Variants in GLI3 observed in about 807,000 individuals in gnomAD.
The protein encoded by GLI3 is transcription activator GLI3.
A neutral mutation model predicts 100.8 loss-of-function variants in GLI3; 20 were observed. That is an observed-to-expected ratio of 0.20 (90% CI 0.14 to 0.29). The LOEUF (loss-of-function observed/expected upper bound fraction) is 0.29, where lower values mean the gene tolerates loss of function less well. Ranked by LOEUF, GLI3 falls within the 10% of genes least tolerant of loss-of-function variation. The probability of loss-of-function intolerance (pLI) is 1.00; values close to 1 mark genes in which losing one functional copy is unlikely to be tolerated. For synonymous variants in GLI3, 938 were observed against 860.5 expected (o/e 1.09, Z -1.58); for missense variants, 2,040 against 2,128.5 (o/e 0.96, Z 0.82).
intron 4 of GLI3, among the ~76,000 whole-genome samples, chr7:42,051,656 TATTAAGAC>T (rs1485419590): frequency 1.4e-4 from 22 of 152,166 alleles, no homozygotes; most frequent in Non-Finnish European, 1.5e-4. Context: ...AATATTGAAA[TATTAAGAC>T]ATTCTTTTTG....
intron 10 of GLI3, among the ~76,000 whole-genome samples, chr7:41,979,113 T>A (rs1044611936): frequency 6.6e-6 from 1 of 152,202 alleles, no homozygotes; most frequent in African/African-American, 2.4e-5. Flanking sequence ...CTGTCATTTT[T>A]CCTTGCCAAG....
At chr7:41,979,444 T>A (rs1787597958) in intron 10 of GLI3, among the ~76,000 whole-genome samples, 2 of 152,234 alleles carry the variant, frequency 1.3e-5, no homozygotes, top group Admixed American at 6.5e-5. Context: ...GCTAAGGGAC[T>A]TTCTAGCTCT....
intron 1 of GLI3, among the ~76,000 whole-genome samples, chr7:42,254,965 T>C (rs1464643452): frequency 6.6e-6 from 1 of 152,150 alleles, no homozygotes; most frequent in Non-Finnish European, 1.5e-5. Context: ...AGATCCTGGG[T>C]TCATACTCAT....
At chr7:42,175,345 C>G (rs1583622380) in intron 2 of GLI3, among the ~76,000 whole-genome samples, 1 of 152,186 alleles carries the variant, frequency 6.6e-6, no homozygotes, top group South Asian at 2.1e-4. Context: ...GGGCTGGGTA[C>G]AGTGGCTCAT....
intron 3 of GLI3, among the ~76,000 whole-genome samples, chr7:42,146,697 G>T (rs1457349235): frequency 6.6e-6 from 1 of 152,144 alleles, no homozygotes; most frequent in Admixed American, 6.5e-5. Context: ...TACTACTGGG[G>T]TCTATAAATA....
chr7:42,260,345 G>A (rs1399927856), intron 1 of GLI3, among the ~76,000 whole-genome samples: 1 of 152,156 alleles, frequency 6.6e-6, no homozygotes, highest in Non-Finnish European at 1.5e-5. Flanking sequence ...AGCAATGTAA[G>A]AGTCCATTTA....
intron 10 of GLI3, among the ~76,000 whole-genome samples, chr7:42,014,612 T>A (rs975785770): frequency 6.6e-6 from 1 of 152,164 alleles, no homozygotes; most frequent in Admixed American, 6.5e-5. Context: ...TCATATCCAA[T>A]CTCCATGAGA....
At chr7:42,101,156 C>T (rs1368127241) in intron 3 of GLI3, among the ~76,000 whole-genome samples, 1 of 152,156 alleles carries the variant, frequency 6.6e-6, no homozygotes, top group African/African-American at 2.4e-5. Context: ...ACCTAACAAC[C>T]CTCAGAAGAG....
Position 41,967,797 on chromosome 7 carries a change from T to C in GLI3, c.2230A>G (p.Ile744Val). 1 of 1,614,210 alleles carries C rather than the reference T, an allele frequency of 6.2e-7. No individual in the cohort carries two copies. Among genetic ancestry groups the C allele is most frequent in the Non-Finnish European group, 8.5e-7 (1 of 1,180,038 alleles). ...DGGSIGDLSAIDETPIMDSTI... is the reference protein window; with the variant it reads ...DGGSIGDLSAVDETPIMDSTI... Reference sequence around the variant, plus strand: ...GAGTCCATGATTGGGGTTTCATCGATGGCACTGAGGTCTCCTATACTACCT... The same window carrying C: ...GAGTCCATGATTGGGGTTTCATCGACGGCACTGAGGTCTCCTATACTACCT... Residue 744 changes from isoleucine to valine, a missense_variant, in exon 14 of 15, where the codon ATC becomes GTC. Ile to Val is a conservative substitution (Grantham distance 29). Around this residue, in one of 5 missense-constraint regions of GLI3, gnomAD observed 327 missense variants for 338.7 expected, o/e 0.97. Coordinates refer to ENST00000395925, the MANE Select transcript of GLI3 (RefSeq NM_000168.6).
In GLI3 at chr7:42,217,156, C is replaced by G. The variant is rs577791153; in HGVS notation, c.124+5974G>C. ...GTGTGAGGGTTTTCACCACACAGTA[C>G]AGTAGGTTGGCCTGAAGAGACACAC... On this transcript the variant is annotated intron_variant, in intron 2 of 14. Transcript: ENST00000395925. 3.9e-5 allele frequency among the ~76,000 whole-genome samples: 6 copies of G among 152,064 alleles called. No homozygotes were observed. In the East Asian group the frequency reaches 1.2e-3, roughly 29 times the overall value.
At chr7:42,059,780 G>T (rs1463315932) in intron 4 of GLI3, among the ~76,000 whole-genome samples, 1 of 152,224 alleles carries the variant, frequency 6.6e-6, no homozygotes, top group Non-Finnish European at 1.5e-5. Context: ...CACAGATGCT[G>T]TCCTTTCCTC....
intron 4 of GLI3, among the ~76,000 whole-genome samples, chr7:42,068,779 A>C (rs1784726266): frequency 6.6e-6 from 1 of 152,114 alleles, no homozygotes; most frequent in Non-Finnish European, 1.5e-5. Context: ...GGGCTCTGTT[A>C]CCTAAGTGAG....
At chr7:42,029,094 A>G (rs1310846777) in intron 7 of GLI3, among the ~76,000 whole-genome samples, 2 of 152,214 alleles carry the variant, frequency 1.3e-5, no homozygotes, top group South Asian at 2.1e-4. Context: ...GTGCTTATTC[A>G]TAAGAAGCCA....
intron 2 of GLI3, among the ~76,000 whole-genome samples, chr7:42,220,587 C>A (rs935903590): frequency 1.3e-5 from 2 of 152,190 alleles, no homozygotes; most frequent in African/African-American, 4.8e-5. Flanking sequence ...GCGCTTCCAG[C>A]AATCCACGCC....
chr7:42,018,123 TCTC>T (rs1378549059), intron 10 of GLI3, among the ~76,000 whole-genome samples: 2 of 152,104 alleles, frequency 1.3e-5, no homozygotes. Context: ...ATCAATCTGA[TCTC>T]CTGAGTGTCT....
At position 41,965,415 on chromosome 7, in the gene GLI3, T is replaced by A; in HGVS notation, c.3658A>T (p.Ser1220Cys). Residue 1220 changes from serine (S) to cysteine (C), a missense_variant, in exon 15 of 15, where the codon AGC (serine) becomes TGC (cysteine). This residue lies in a region of GLI3 where 1,041 missense variants were observed against 924.0 expected (regional missense o/e 1.13). Coordinates refer to ENST00000395925, the MANE Select transcript of GLI3 (RefSeq NM_000168.6). ...AGGYQTLGENSNPYGGPEHLM... is the reference protein window; with the variant it reads ...AGGYQTLGENCNPYGGPEHLM... ...TGCTCTGGGCCACCGTAGGGGTTGC[T>A]GTTCTCCCCGAGGGTCTGATAGCCC... 1 of 1,608,826 alleles carries A rather than the reference T, an allele frequency of 6.2e-7. No homozygotes were observed. Among genetic ancestry groups the A allele is most frequent in the South Asian group, 1.1e-5 (1 of 90,970 alleles).
chr7:41,975,769 T>G (rs540483557), intron 12 of GLI3, among the ~76,000 whole-genome samples: 19 of 152,318 alleles, frequency 1.2e-4, no homozygotes, highest in Admixed American at 1.2e-3. Flanking sequence ...ATGTGTGCAT[T>G]CTGATCCTAA....
intron 1 of GLI3, among the ~76,000 whole-genome samples, chr7:42,233,532 T>G (rs1317821682): frequency 2.0e-5 from 3 of 152,216 alleles, no homozygotes; most frequent in Non-Finnish European, 4.4e-5. Context: ...TCAAGTTATA[T>G]AAAAGCTTTG....
chr7:42,098,940 T>C (rs754239018), intron 3 of GLI3, among the ~76,000 whole-genome samples: 1 of 152,138 alleles, frequency 6.6e-6, no homozygotes, highest in Non-Finnish European at 1.5e-5. Flanking sequence ...AGGGGACCCT[T>C]GTGGGTGATC....
Sources: allele counts gnomAD v4.1 joint callset (sites outside exome capture counted in the v4.1 genomes callset), GRCh38; gene constraint gnomAD v4.1.1; regional missense constraint gnomAD v4.1.1; transcripts MANE v1.5; gene names NCBI Gene and HGNC (gene_info 2026-07-23, HGNC 2026-07-21).